PTPRD: variants seen among roughly 807,000 people sequenced by gnomAD.
PTPRD encodes the protein protein tyrosine phosphatase receptor type D.
Under a neutral mutation model 214.5 loss-of-function variants are expected in PTPRD, and 34 were observed. The ratio of observed to expected loss-of-function variants is 0.16; its 90% CI spans 0.12 to 0.21. The LOEUF (loss-of-function observed/expected upper bound fraction) is 0.21. Among genes scored for constraint, PTPRD ranks in the 10% least tolerant of loss-of-function variants. The pLI is 1.00. For synonymous variants in PTPRD, 1,128 were observed against 845.7 expected (o/e 1.33, Z -5.79); for missense variants, 2,545 against 2,398.7 (o/e 1.06, Z -1.27).
intron 3 of PTPRD, among the ~76,000 whole-genome samples, chr9:10,217,806 A>T (rs1342531092): frequency 6.6e-6 from 1 of 151,916 alleles, no homozygotes; most frequent in East Asian, 1.9e-4. Context: ...AAGGAGATGC[A>T]AGGAGAATAA....
intron 3 of PTPRD, among the ~76,000 whole-genome samples, chr9:10,136,734 A>C (rs2098947162): frequency 1.2e-5 from 1 of 80,276 alleles, no homozygotes; most frequent in Non-Finnish European, 2.3e-5. Context: ...TCTGCACAGC[A>C]AAAGAAACTA....
intron 12 of PTPRD, among the ~76,000 whole-genome samples, chr9:8,709,291 G>A (rs1443119298): frequency 1.3e-5 from 2 of 152,068 alleles, no homozygotes; most frequent in East Asian, 3.9e-4. Context: ...GAGGTGGGCG[G>A]ATCACGAGGT....
chr9:10,214,672 G>C (rs1594432418), intron 3 of PTPRD, among the ~76,000 whole-genome samples: 3 of 152,004 alleles, frequency 2.0e-5, no homozygotes, highest in Non-Finnish European at 4.4e-5. Flanking sequence ...CACAAGGCCT[G>C]CCTCTATGCA....
intron 3 of PTPRD, among the ~76,000 whole-genome samples, chr9:10,042,064 A>T (rs1288293276): frequency 6.6e-6 from 1 of 152,032 alleles, no homozygotes; most frequent in Non-Finnish European, 1.5e-5. Context: ...GAAATAGGGC[A>T]CTGCCCCTGT....
chr9:9,116,352 C>A lies in PTPRD; in HGVS notation c.-143+66952G>T, dbSNP rs143310272. Among the ~76,000 whole-genome samples the A allele has an allele frequency of 9.8e-4, 149 of 152,140 alleles. 1 individual carries two copies. The highest frequency in any genetic ancestry group is 3.4e-3 in the Middle Eastern group (1 of 294). ...TGGTGCTGGAGGCCATTATCCTAAGCAAAGTAATTCAGGAATGGAAAACCA... is the reference window on the plus strand; with the variant it reads ...TGGTGCTGGAGGCCATTATCCTAAGAAAAGTAATTCAGGAATGGAAAACCA... On this transcript the variant is annotated intron_variant, in intron 10 of 45. Transcript: ENST00000381196.
intron 7 of PTPRD, among the ~76,000 whole-genome samples, chr9:9,718,503 C>G (rs928477439): frequency 2.6e-5 from 4 of 152,194 alleles, no homozygotes; most frequent in African/African-American, 9.7e-5. Context: ...CTCCTGCTCC[C>G]AGGCACAGCT....
intron 14 of PTPRD, among the ~76,000 whole-genome samples, chr9:8,621,547 T>C (rs966765301): frequency 2.0e-5 from 3 of 151,956 alleles, no homozygotes; most frequent in African/African-American, 4.8e-5. Context: ...ACTAGGTTTA[T>C]GGCAAATCCT....
At chr9:8,555,111 C>T (rs897007021) in intron 14 of PTPRD, among the ~76,000 whole-genome samples, 2 of 152,156 alleles carry the variant, frequency 1.3e-5, no homozygotes, top group Non-Finnish European at 2.9e-5. Context: ...TCAGATGCCT[C>T]CTCAAATATT....
At chr9:10,374,870 T>C (rs1488323285) in intron 2 of PTPRD, among the ~76,000 whole-genome samples, 1 of 152,090 alleles carries the variant, frequency 6.6e-6, no homozygotes, top group Non-Finnish European at 1.5e-5. Context: ...TAAACAGTCA[T>C]TAAAAATTTC....
intron 6 of PTPRD, among the ~76,000 whole-genome samples, chr9:9,762,937 A>G (rs1187672317): frequency 2.0e-5 from 3 of 152,168 alleles, no homozygotes; most frequent in Non-Finnish European, 2.9e-5. Flanking sequence ...CAAGGTGACA[A>G]CAAGGTAGAT....
intron 4 of PTPRD, among the ~76,000 whole-genome samples, chr9:9,987,998 C>T (rs780516100): frequency 6.6e-5 from 10 of 152,088 alleles, no homozygotes; most frequent in Non-Finnish European, 1.5e-4. Context: ...CGAGTCAAAA[C>T]ATTTCTTCTA....
At chr9:9,179,821 G>A (rs1347786944) in intron 10 of PTPRD, among the ~76,000 whole-genome samples, 1 of 152,056 alleles carries the variant, frequency 6.6e-6, no homozygotes, top group Non-Finnish European at 1.5e-5. Context: ...CTTGTGTGAT[G>A]TAGCAAGATA....
intron 9 of PTPRD, among the ~76,000 whole-genome samples, chr9:9,227,116 T>C (rs1594042915): frequency 6.6e-6 from 1 of 152,248 alleles, no homozygotes; most frequent in East Asian, 1.9e-4. Context: ...GAAAAGAGGC[T>C]TACAAATGAG....
chr9:9,219,183 T>C (rs1388117173), intron 9 of PTPRD, among the ~76,000 whole-genome samples: 2 of 152,144 alleles, frequency 1.3e-5, no homozygotes, highest in African/African-American at 4.8e-5. Flanking sequence ...TAAAATTTTC[T>C]GGGCTGATAT....
chr9:9,403,180 A>T (rs1434020050), intron 8 of PTPRD, among the ~76,000 whole-genome samples: 1 of 147,118 alleles, frequency 6.8e-6, no homozygotes, highest in Non-Finnish European at 1.5e-5. Context: ...AATCCCAGGT[A>T]CTTGGGTGGC....
chr9:9,608,081 C>A (rs907831635), intron 7 of PTPRD, among the ~76,000 whole-genome samples: 1 of 152,118 alleles, frequency 6.6e-6, no homozygotes, highest in East Asian at 1.9e-4. Flanking sequence ...AGATCACTGG[C>A]TCCAAAATCA....
intron 6 of PTPRD, among the ~76,000 whole-genome samples, chr9:9,759,003 G>A (rs1358612971): frequency 1.3e-5 from 2 of 152,084 alleles, no homozygotes; most frequent in Non-Finnish European, 2.9e-5. Flanking sequence ...GAGAATGGAA[G>A]GTGGTGTTTA....
At chr9:10,413,465 A>G (rs1286116005) in intron 2 of PTPRD, among the ~76,000 whole-genome samples, 1 of 152,010 alleles carries the variant, frequency 6.6e-6, no homozygotes, top group Non-Finnish European at 1.5e-5. Flanking sequence ...GAGATGACCC[A>G]AACAAATGGA....
chr9:9,142,721 C>T (rs921323990), intron 10 of PTPRD, among the ~76,000 whole-genome samples: 1 of 152,190 alleles, frequency 6.6e-6, no homozygotes, highest in African/African-American at 2.4e-5. Flanking sequence ...GAATTTCTGA[C>T]TCCTGTAATT....
Sources: gnomAD v4.1 joint callset for allele counts (sites outside exome capture counted in the v4.1 genomes callset) on GRCh38, gnomAD v4.1.1 for gene constraint, MANE v1.5 for transcripts, NCBI Gene and HGNC (gene_info 2026-07-23, HGNC 2026-07-21) for gene names.